The following TOX3 variants were observed in gnomAD, a reference collection of about 807,000 sequenced individuals.
The protein encoded by TOX3 is CAG trinucleotide repeat-containing gene F9 protein.
Under a neutral mutation model 64.3 loss-of-function variants are expected in TOX3, and 22 were observed. The observed-to-expected ratio is 0.34, with a 90% confidence interval of 0.24 to 0.49. The LOEUF (loss-of-function observed/expected upper bound fraction) is 0.49, where lower values mean the gene tolerates loss of function less well. TOX3 is among the 20% of genes least tolerant of loss of function. The pLI is 0.99. For missense variants in TOX3, 661 were observed against 714.4 expected (o/e 0.93, Z 0.85); for synonymous variants, 291 against 273.6 (o/e 1.06, Z -0.63).
intron 1 of TOX3, among the ~76,000 whole-genome samples, chr16:52,474,429 C>T (rs1023588002): frequency 6.6e-6 from 1 of 151,984 alleles, no homozygotes; most frequent in African/African-American, 2.4e-5. Context: ...TAAGTTTAGC[C>T]TGGGCAACAT....
intron 1 of TOX3, among the ~76,000 whole-genome samples, chr16:52,543,191 T>C (rs1166700464): frequency 6.6e-6 from 1 of 152,180 alleles, no homozygotes; most frequent in Admixed American, 6.5e-5. Context: ...GATGGCAGAA[T>C]TCTGACAACT....
chr16:52,524,131 A>G (rs1962672242), intron 1 of TOX3, among the ~76,000 whole-genome samples: 1 of 152,196 alleles, frequency 6.6e-6, no homozygotes, highest in Admixed American at 6.5e-5. Flanking sequence ...GGATATGACC[A>G]GTGGAATGTC....
rs1960775294 is a variant in TOX3, at chr16:52,463,956, A to T, written c.386T>A (p.Leu129His). 3 of 1,572,630 alleles carry T rather than the reference A, an allele frequency of 1.9e-6. No individual in the cohort carries two copies. The African/African-American group carries it at 4.1e-5, about 21-fold the overall frequency. ...TACCATATGCAACCCACTGCTATGA[A>T]GCACGCCATCTTGTTCCACGAGATT... ...SRNLVEQDGV[L>H]HSSGLHMDQS... Residue 129 changes from leucine to histidine, a missense_variant, in exon 3 of 7, where the codon CTT (leucine) becomes CAT (histidine). This residue lies in a region of TOX3 where 259 missense variants were observed against 261.2 expected (regional missense o/e 0.99). Coordinates refer to ENST00000219746, the MANE Select transcript of TOX3 (RefSeq NM_001080430.4).
chr16:52,436,608 C>A lies in TOX3; in HGVS notation c.*2617G>T, dbSNP rs973689360. Among the ~76,000 whole-genome samples the A allele has an allele frequency of 1.3e-5, 2 of 151,976 alleles. No individual in the cohort carries two copies. The highest frequency in any genetic ancestry group is 2.9e-5 in the Non-Finnish European group (2 of 67,968). ...TGAGGAATTCTTTTCATGATTCAAG[C>A]CTTTTGACATTTTAAATATGTAGTT... is the stretch of plus-strand genomic sequence containing the variant. On this transcript the variant is annotated 3_prime_UTR_variant, in exon 7 of 7. Transcript: ENST00000219746.
intron 1 of TOX3, among the ~76,000 whole-genome samples, chr16:52,516,915 C>T (rs56779323): frequency 1.6e-3 from 250 of 152,004 alleles, no homozygotes; most frequent in African/African-American, 5.7e-3. Flanking sequence ...TATCTGACTC[C>T]CCGACCAAAA....
At chr16:52,453,871 T>C (rs1960436776) in intron 3 of TOX3, among the ~76,000 whole-genome samples, 1 of 152,200 alleles carries the variant, frequency 6.6e-6, no homozygotes, top group Non-Finnish European at 1.5e-5. Flanking sequence ...CTCCTGCTGA[T>C]AGACAGCCAA....
chr16:52,464,380 TAA>T (rs1960791497), intron 2 of TOX3, among the ~76,000 whole-genome samples, 192 bp from the exon 3 acceptor site: 1 of 152,228 alleles, frequency 6.6e-6, no homozygotes, highest in East Asian at 1.9e-4. Context: ...ATTAAAGATT[TAA>T]GTCTCATTAT....
intron 1 of TOX3, among the ~76,000 whole-genome samples, chr16:52,488,204 A>G (rs1390373335): frequency 6.6e-6 from 1 of 152,194 alleles, no homozygotes; most frequent in East Asian, 1.9e-4. Context: ...CCTCCATTCC[A>G]AAACACCCTG....
chr16:52,502,318 T>C (rs1290309951), intron 1 of TOX3, among the ~76,000 whole-genome samples: 1 of 152,224 alleles, frequency 6.6e-6, no homozygotes, highest in Admixed American at 6.5e-5. Flanking sequence ...TTTCCATTTC[T>C]AAAATGTCTG....
At chr16:52,536,394 T>C (rs571938804) in intron 1 of TOX3, among the ~76,000 whole-genome samples, 5 of 151,148 alleles carry the variant, frequency 3.3e-5, no homozygotes, top group South Asian at 2.1e-4. Context: ...GTGAAGACAT[T>C]TGGGGAGAGG....
rs545781302 is a variant in TOX3 at position 52,439,764 on chromosome 16, C to A, written c.1192G>T (p.Val398Phe). The A allele has an allele frequency of 6.2e-7, 1 of 1,613,956 alleles. No individual in the cohort carries two copies. The highest frequency in any genetic ancestry group is 1.3e-5 in the African/African-American group (1 of 75,034). The change falls in exon 7 of 7, where the codon GTC becomes TTC. Residue 398 changes from valine to phenylalanine, a missense_variant. This residue lies in a region of TOX3 where 299 missense variants were observed against 292.1 expected (regional missense o/e 1.02). Coordinates refer to ENST00000219746, the MANE Select transcript of TOX3 (RefSeq NM_001080430.4). ...TTGGCTGCAATGGTGACTGATGTGA[C>A]AATCTGGTTCATGGGGAGTCTCATG... Reference protein sequence around the residue: ...LTMRLPMNQIVTSVTIAANMP... With the variant: ...LTMRLPMNQIFTSVTIAANMP...
intron 3 of TOX3, among the ~76,000 whole-genome samples, chr16:52,458,480 T>C (rs764676313): frequency 1.3e-5 from 2 of 152,208 alleles, no homozygotes; most frequent in Non-Finnish European, 2.9e-5. Flanking sequence ...AAAGGGTGTC[T>C]TTGCTGTCTC....
At chr16:52,531,383 ATT>A (rs1962848854) in intron 1 of TOX3, among the ~76,000 whole-genome samples, 1 of 152,160 alleles carries the variant, frequency 6.6e-6, no homozygotes, top group South Asian at 2.1e-4. Flanking sequence ...TTTCCAAGGA[ATT>A]TTATTTTTGC....
In TOX3 at chr16:52,546,747, G is replaced by C. The variant is rs918592614; in HGVS notation, c.-24C>G. ...ATGCCGAAGCTGGGCCCGGGGCCGG[G>C]GGCCGGGACTGGGGTTCGCCGGGGC... On this transcript the variant is annotated 5_prime_UTR_variant, in exon 1 of 7. Transcript: ENST00000219746. The C allele has an allele frequency of 1.5e-4, 231 of 1,499,786 alleles. No individual in the cohort carries two copies. The highest frequency in any genetic ancestry group is 2.3e-4 in the Admixed American group (11 of 47,866). 92.9% of individuals were successfully genotyped at this position (1,499,786 alleles called of 1,614,324 possible).
chr16:52,459,622 A>G, intron 3 of TOX3, among the ~76,000 whole-genome samples: 1 of 152,178 alleles, frequency 6.6e-6, no homozygotes, highest in Admixed American at 6.5e-5. Context: ...CATCCTGTGA[A>G]CTTTAGCTCC....
At chr16:52,511,258 C>A (rs1006904979) in intron 1 of TOX3, among the ~76,000 whole-genome samples, 3 of 152,114 alleles carry the variant, frequency 2.0e-5, no homozygotes, top group Non-Finnish European at 4.4e-5. Flanking sequence ...CTTTGGGAGG[C>A]CGAGAAGGGT....
chr16:52,503,929 C>T (rs1962078766), intron 1 of TOX3, among the ~76,000 whole-genome samples: 1 of 152,108 alleles, frequency 6.6e-6, no homozygotes, highest in Admixed American at 6.5e-5. Flanking sequence ...TCCGCTTTAT[C>T]ATTGTTTGTA....
chr16:52,508,854 A>G (rs895987585), intron 1 of TOX3, among the ~76,000 whole-genome samples: 1 of 152,152 alleles, frequency 6.6e-6, no homozygotes, highest in African/African-American at 2.4e-5. Flanking sequence ...GTATAGCTAT[A>G]TATTATGTAT....
intron 4 of TOX3, among the ~76,000 whole-genome samples, chr16:52,449,213 C>T (rs899214692): frequency 3.9e-5 from 6 of 152,132 alleles, no homozygotes; most frequent in South Asian, 2.1e-4. Flanking sequence ...TGCCATTCCT[C>T]GATGCAAATA....
Sources: allele counts gnomAD v4.1 joint callset (sites outside exome capture counted in the v4.1 genomes callset), GRCh38; gene constraint gnomAD v4.1.1; regional missense constraint gnomAD v4.1.1; transcripts MANE v1.5; gene names NCBI Gene and HGNC (gene_info 2026-07-23, HGNC 2026-07-21).